The following ZBTB7C variants were observed in gnomAD, a reference collection of about 807,000 sequenced individuals.
ZBTB7C encodes zinc finger and BTB domain containing 7C.
In ZBTB7C, 8 loss-of-function variants were observed where a neutral mutation model predicts 25.7. That is an observed-to-expected ratio of 0.31 (90% CI 0.18 to 0.56). ZBTB7C has a LOEUF of 0.56. Ranked by LOEUF, ZBTB7C falls within the 20% of genes least tolerant of loss-of-function variation. The probability of loss-of-function intolerance (pLI) is 0.91; values close to 1 mark genes in which losing one functional copy is unlikely to be tolerated. For synonymous variants in ZBTB7C, 394 were observed against 369.0 expected, an observed-to-expected ratio of 1.07 and a Z score of -0.78; for missense variants, 824 against 855.2, an observed-to-expected ratio of 0.96 and a Z score of 0.46.
chr18:48,165,292 A>C (rs1277054906), intron 3 of ZBTB7C: 3 of 464,600 alleles, frequency 6.5e-6, no homozygotes, highest in Non-Finnish European at 1.3e-5. Flanking sequence ...CCAGTTCCTC[A>C]TGCATTCGAA....
At chr18:48,103,992 G>T (rs76407666) in intron 3 of ZBTB7C, among the ~76,000 whole-genome samples, 10 of 152,130 alleles carry the variant, frequency 6.6e-5, no homozygotes, top group South Asian at 2.1e-4. Flanking sequence ...TCTTTTCAAG[G>T]TGATGAATAT....
At chr18:48,268,674 G>T (rs1450255392) in intron 2 of ZBTB7C, among the ~76,000 whole-genome samples, 7 of 152,230 alleles carry the variant, frequency 4.6e-5, no homozygotes, top group African/African-American at 1.7e-4. Flanking sequence ...CAAGGCCTAG[G>T]CTAGAAGAGG....
At chr18:48,282,904 C>A (rs2044912008) in intron 2 of ZBTB7C, among the ~76,000 whole-genome samples, 1 of 152,078 alleles carries the variant, frequency 6.6e-6, no homozygotes, top group African/African-American at 2.4e-5. Context: ...TGCTGAGAAT[C>A]TTCTATGTCA....
At chr18:48,179,259 A>T (rs1347181421) in intron 3 of ZBTB7C, among the ~76,000 whole-genome samples, 1 of 152,190 alleles carries the variant, frequency 6.6e-6, no homozygotes, top group African/African-American at 2.4e-5. Flanking sequence ...GTCTTTTCTG[A>T]GGACTGTAGA....
intron 1 of ZBTB7C, among the ~76,000 whole-genome samples, chr18:48,360,134 C>A (rs1228312254): frequency 6.6e-6 from 1 of 152,188 alleles, no homozygotes; most frequent in African/African-American, 2.4e-5. Context: ...AGATCCCCTG[C>A]GAGAATAACT....
intron 3 of ZBTB7C, among the ~76,000 whole-genome samples, chr18:48,146,094 T>C (rs911649637): frequency 2.6e-5 from 4 of 152,210 alleles, no homozygotes; most frequent in Non-Finnish European, 4.4e-5. Flanking sequence ...CTAAAATGCA[T>C]GTGTTGTAAA....
chr18:48,331,938 T>A (rs2046350416), intron 2 of ZBTB7C, among the ~76,000 whole-genome samples: 1 of 152,154 alleles, frequency 6.6e-6, no homozygotes, highest in Admixed American at 6.5e-5. Flanking sequence ...TATTCTGAAA[T>A]TTTTTTCTGC....
chr18:48,072,190 G>A (rs1216424027), intron 3 of ZBTB7C, among the ~76,000 whole-genome samples: 2 of 152,214 alleles, frequency 1.3e-5, no homozygotes, highest in Non-Finnish European at 2.9e-5. Flanking sequence ...ACTGGAACCC[G>A]ACAGCCATGA....
intron 3 of ZBTB7C, among the ~76,000 whole-genome samples, chr18:48,096,346 T>C (rs2038632188): frequency 1.3e-5 from 2 of 152,168 alleles, no homozygotes; most frequent in African/African-American, 4.8e-5. Flanking sequence ...TCTGAAATGC[T>C]CAGGGCACCA....
chr18:48,278,174 C>A (rs1158422098), intron 2 of ZBTB7C, among the ~76,000 whole-genome samples: 1 of 152,190 alleles, frequency 6.6e-6, no homozygotes, highest in Non-Finnish European at 1.5e-5. Flanking sequence ...GCAGCTTCCA[C>A]TTTGCAGAGG....
chr18:48,353,319 C>T (rs2046904957), intron 1 of ZBTB7C, among the ~76,000 whole-genome samples: 1 of 152,178 alleles, frequency 6.6e-6, no homozygotes, highest in Non-Finnish European at 1.5e-5. Flanking sequence ...AAGATGTACC[C>T]TCCATTGTCT....
At chr18:48,098,638 T>C (rs2038723896) in intron 3 of ZBTB7C, among the ~76,000 whole-genome samples, 1 of 152,148 alleles carries the variant, frequency 6.6e-6, no homozygotes, top group African/African-American at 2.4e-5. Context: ...CGGGTCCCTG[T>C]GGTATGGGAA....
chr18:48,321,984 TG>T (rs1339322240), intron 2 of ZBTB7C, among the ~76,000 whole-genome samples: 19 of 152,216 alleles, frequency 1.2e-4, no homozygotes, highest in Admixed American at 1.1e-3. Context: ...CGGATCAGGC[TG>T]TCCCTATTAT....
intron 2 of ZBTB7C, among the ~76,000 whole-genome samples, chr18:48,282,323 A>C (rs543881786): frequency 4.2e-5 from 3 of 71,242 alleles, no homozygotes; most frequent in Non-Finnish European, 7.5e-5. Context: ...GGGTGGGGGG[A>C]GGGGGGAGGG....
intron 1 of ZBTB7C, among the ~76,000 whole-genome samples, chr18:48,377,930 G>A (rs565806666): frequency 1.3e-5 from 2 of 152,300 alleles, no homozygotes; most frequent in Non-Finnish European, 2.9e-5. Context: ...CCAAAACTTT[G>A]GGAGGCCGAG....
chr18:48,146,002 T>C (rs960125573), intron 3 of ZBTB7C, among the ~76,000 whole-genome samples: 2 of 152,222 alleles, frequency 1.3e-5, no homozygotes. Flanking sequence ...GTTATCAGCA[T>C]TGAGTATAAT....
intron 2 of ZBTB7C, among the ~76,000 whole-genome samples, chr18:48,235,751 T>C (rs905310851): frequency 6.6e-6 from 1 of 152,190 alleles, no homozygotes; most frequent in African/African-American, 2.4e-5. Context: ...CCTCAGCACT[T>C]TGAAGATGTC....
intron 1 of ZBTB7C, among the ~76,000 whole-genome samples, chr18:48,370,222 A>G (rs1172613239): frequency 2.0e-5 from 3 of 152,328 alleles, no homozygotes; most frequent in East Asian, 3.9e-4. Flanking sequence ...CATACCATGG[A>G]ATACTACTTA....
At chr18:48,309,820 TG>T (rs2045769512) in intron 2 of ZBTB7C, among the ~76,000 whole-genome samples, 1 of 152,218 alleles carries the variant, frequency 6.6e-6, no homozygotes, top group African/African-American at 2.4e-5. Context: ...ATACTCTAGT[TG>T]GTCAACTTCA....
Sources: allele counts gnomAD v4.1 joint callset (sites outside exome capture counted in the v4.1 genomes callset), GRCh38; gene constraint gnomAD v4.1.1; transcripts MANE v1.5; gene names NCBI Gene and HGNC (gene_info 2026-07-23, HGNC 2026-07-21).